NEK7: variants seen among roughly 807,000 people sequenced by gnomAD.
The protein encoded by NEK7 is serine/threonine-protein kinase Nek7.
In NEK7, 18 loss-of-function variants were observed where a neutral mutation model predicts 44.6. The ratio of observed to expected loss-of-function variants is 0.40; its 90% CI spans 0.28 to 0.60. The LOEUF (loss-of-function observed/expected upper bound fraction) is 0.60. Ranked by LOEUF, NEK7 falls within the 20% of genes least tolerant of loss-of-function variation. NEK7 has a pLI of 0.38. For synonymous variants in NEK7, 130 were observed against 121.1 expected, an observed-to-expected ratio of 1.07 and a Z score of -0.48; for missense variants, 256 against 366.5, an observed-to-expected ratio of 0.70 and a Z score of 2.46.
At position 198,157,126 on chromosome 1, in the gene NEK7, G is replaced by C. The variant is rs1016000391; in HGVS notation, c.-179G>C. On this transcript the variant is annotated 5_prime_UTR_variant, in exon 1 of 10. Transcript: ENST00000367385. Reference sequence around the variant, plus strand: ...GTGCCCCGCGCCTGCAGCGTCCGCCGGGGCGGCGCGGCGGGAGGTGGCCGA... The same window carrying C: ...GTGCCCCGCGCCTGCAGCGTCCGCCCGGGCGGCGCGGCGGGAGGTGGCCGA... 1 of 151,758 alleles carries C rather than the reference G, an allele frequency of 6.6e-6. No homozygotes were observed. Among genetic ancestry groups the C allele is most frequent in the African/African-American group, 2.4e-5 (1 of 41,384 alleles). 9.4% of individuals were successfully genotyped at this position (151,758 alleles called of 1,614,324 possible).
chr1:198,272,790 T>C (rs944738611), intron 5 of NEK7, among the ~76,000 whole-genome samples: 17 of 151,848 alleles, frequency 1.1e-4, no homozygotes, highest in African/African-American at 4.1e-4. Context: ...TGCATTCATG[T>C]GTTTTTATTG....
intron 8 of NEK7, among the ~76,000 whole-genome samples, chr1:198,294,007 G>A (rs1558098702): frequency 6.6e-6 from 1 of 151,708 alleles, no homozygotes; most frequent in Non-Finnish European, 1.5e-5. Context: ...TATTTTAATT[G>A]TACCACCATT....
intron 5 of NEK7, among the ~76,000 whole-genome samples, chr1:198,271,204 T>TCAAA (rs1038476587): frequency 3.3e-5 from 5 of 151,990 alleles, no homozygotes; most frequent in African/African-American, 1.2e-4. Flanking sequence ...CTTGATTAAC[T>TCAAA]CAAAGTCAGC....
chr1:198,252,640 A>G (rs564806463), intron 2 of NEK7, among the ~76,000 whole-genome samples: 124 of 145,468 alleles, frequency 8.5e-4, no homozygotes, highest in African/African-American at 3.0e-3. Flanking sequence ...TGTTTTATAT[A>G]TTAAAACATA....
chr1:198,225,243 G>A (rs1375932975), intron 1 of NEK7, among the ~76,000 whole-genome samples: 1 of 124,940 alleles, frequency 8.0e-6, no homozygotes, highest in Non-Finnish European at 1.6e-5. Flanking sequence ...GACTTGAGAA[G>A]CGTGTAGGTT....
intron 1 of NEK7, among the ~76,000 whole-genome samples, chr1:198,195,554 C>T (rs1300186347): frequency 6.6e-6 from 1 of 152,190 alleles, no homozygotes; most frequent in Non-Finnish European, 1.5e-5. Flanking sequence ...GGCGTGGTGG[C>T]TCATGCCTGT....
intron 1 of NEK7, among the ~76,000 whole-genome samples, chr1:198,198,341 T>G (rs1257404224): frequency 6.6e-6 from 1 of 152,182 alleles, no homozygotes; most frequent in African/African-American, 2.4e-5. Context: ...TTGGGCTTCC[T>G]TCCCTTGATC....
chr1:198,204,507 C>T (rs957404330), intron 1 of NEK7, among the ~76,000 whole-genome samples: 20 of 151,962 alleles, frequency 1.3e-4, no homozygotes, highest in African/African-American at 4.6e-4. Context: ...ATCACGAGGT[C>T]GGGAGATGGA....
intron 1 of NEK7, among the ~76,000 whole-genome samples, chr1:198,172,746 A>G (rs1158816862): frequency 1.3e-5 from 2 of 152,204 alleles, no homozygotes; most frequent in Non-Finnish European, 2.9e-5. Context: ...TTATATATAA[A>G]GTTGTCATCA....
chr1:198,172,803 C>T (rs906353373), intron 1 of NEK7, among the ~76,000 whole-genome samples: 1 of 150,782 alleles, frequency 6.6e-6, no homozygotes, highest in African/African-American at 2.5e-5. Context: ...TTAACCACAT[C>T]AGCTTAGAAT....
chr1:198,250,409 C>A (rs1652901177), intron 2 of NEK7, among the ~76,000 whole-genome samples: 2 of 152,098 alleles, frequency 1.3e-5, no homozygotes, highest in African/African-American at 4.8e-5. Context: ...TTTTCCAATT[C>A]TGTGAAGAAA....
intron 1 of NEK7, among the ~76,000 whole-genome samples, chr1:198,179,765 C>T (rs1664704255): frequency 6.6e-6 from 1 of 151,980 alleles, no homozygotes. Context: ...CTGCAGTCTT[C>T]CTGTTGCCAG....
chr1:198,241,856 G>A (rs1281428835), intron 2 of NEK7, among the ~76,000 whole-genome samples: 1 of 152,158 alleles, frequency 6.6e-6, no homozygotes, highest in Non-Finnish European at 1.5e-5. Flanking sequence ...TTAAATGTTA[G>A]CAAAAATGAT....
intron 7 of NEK7, among the ~76,000 whole-genome samples, chr1:198,290,076 CCTA>C (rs1654505749): frequency 6.6e-6 from 1 of 152,110 alleles, no homozygotes; most frequent in Admixed American, 6.6e-5. Flanking sequence ...TCATCCATTT[CCTA>C]CTTTTATTCA....
intron 1 of NEK7, among the ~76,000 whole-genome samples, chr1:198,212,117 A>G (rs1172593616): frequency 1.3e-5 from 2 of 152,134 alleles, no homozygotes; most frequent in African/African-American, 2.4e-5. Context: ...CTCACAGGGG[A>G]CCTCACGGAA....
At chr1:198,251,472 T>A (rs1652978383) in intron 2 of NEK7, among the ~76,000 whole-genome samples, 1 of 149,276 alleles carries the variant, frequency 6.7e-6, no homozygotes, top group Non-Finnish European at 1.5e-5. Flanking sequence ...TCCTTATACC[T>A]CTGGTAGAAT....
At chr1:198,157,676 TG>T (rs1204804224) in intron 1 of NEK7, among the ~76,000 whole-genome samples, 1 of 152,186 alleles carries the variant, frequency 6.6e-6, no homozygotes, top group Non-Finnish European at 1.5e-5. Flanking sequence ...TCTCGCGGAT[TG>T]GTGAAGTCCG....
intron 2 of NEK7, 47 bp downstream of exon 2, chr1:198,232,684 T>C: frequency 9.3e-7 from 1 of 1,072,490 alleles, no homozygotes; most frequent in South Asian, 1.3e-5. Context: ...TAATCTGTGT[T>C]AAATATGTGT....
At chr1:198,294,931 T>G (rs1442724826) in intron 8 of NEK7, among the ~76,000 whole-genome samples, 2 of 152,158 alleles carry the variant, frequency 1.3e-5, no homozygotes, top group African/African-American at 4.8e-5. Context: ...TTAATAGAAA[T>G]AGCTAACAGT....
Sources: gnomAD v4.1 joint callset for allele counts (sites outside exome capture counted in the v4.1 genomes callset) on GRCh38, gnomAD v4.1.1 for gene constraint, MANE v1.5 for transcripts, NCBI Gene and HGNC (gene_info 2026-07-23, HGNC 2026-07-21) for gene names.